Variants in SNTG1 observed in about 807,000 individuals in gnomAD.
SNTG1 encodes gamma-1-syntrophin.
Under a neutral mutation model 74.7 loss-of-function variants are expected in SNTG1, and 39 were observed. The observed-to-expected ratio is 0.52, with a 90% CI of 0.40 to 0.68. The LOEUF is 0.68. Among genes scored for constraint, SNTG1 ranks in the 30% least tolerant of loss-of-function variants. SNTG1 has a pLI of 0.00. For synonymous variants in SNTG1, 254 were observed against 217.1 expected (o/e 1.17, Z -1.49); for missense variants, 685 against 609.5 (o/e 1.12, Z -1.30).
At chr8:50,760,928 G>T (rs545200422) in intron 18 of SNTG1, among the ~76,000 whole-genome samples, 1 of 151,874 alleles carries the variant, frequency 6.6e-6, no homozygotes, top group Non-Finnish European at 1.5e-5. Flanking sequence ...ATTCACAGCC[G>T]AATGCTACCA....
intron 1 of SNTG1, among the ~76,000 whole-genome samples, chr8:50,013,985 A>C (rs750960437): frequency 6.6e-6 from 1 of 152,144 alleles, no homozygotes; most frequent in African/African-American, 2.4e-5. Flanking sequence ...TAAATAACCC[A>C]TTTTTGATCT....
At chr8:49,914,828 A>C (rs764214960) in intron 1 of SNTG1, 10 of 152,244 alleles carry the variant, frequency 6.6e-5, no homozygotes, top group Non-Finnish European at 1.0e-4. Flanking sequence ...TAAGCAACAC[A>C]AAAGCCACTA....
intron 1 of SNTG1, among the ~76,000 whole-genome samples, chr8:50,067,852 C>T (rs1411067786): frequency 6.6e-6 from 1 of 152,190 alleles, no homozygotes; most frequent in Non-Finnish European, 1.5e-5. Context: ...CTCGGGCACA[C>T]AGCCTGCTGG....
intron 1 of SNTG1, among the ~76,000 whole-genome samples, chr8:50,013,177 T>C (rs1220441316): frequency 6.6e-6 from 1 of 152,180 alleles, no homozygotes; most frequent in Non-Finnish European, 1.5e-5. Flanking sequence ...CTTTATACTG[T>C]AGTCTTGCTA....
At chr8:50,006,687 A>G (rs67043411) in intron 1 of SNTG1, among the ~76,000 whole-genome samples, 16,813 of 152,188 alleles carry the variant, frequency 0.11, 1,117 homozygotes, top group South Asian at 0.21. Flanking sequence ...TCTTGTGCCA[A>G]TGGGGCTTCC....
chr8:50,038,452 C>T (rs536585820), intron 1 of SNTG1, among the ~76,000 whole-genome samples: 77 of 152,264 alleles, frequency 5.1e-4, no homozygotes, highest in African/African-American at 1.8e-3. Flanking sequence ...TCCAACCCTC[C>T]TGTGCAGTGG....
chr8:50,176,522 T>C (rs1471848718), intron 2 of SNTG1, among the ~76,000 whole-genome samples: 3 of 152,126 alleles, frequency 2.0e-5, no homozygotes, highest in African/African-American at 7.2e-5. Context: ...AAAAGCTTCA[T>C]GTAGGGAAGG....
chr8:49,936,485 T>C (rs1002056480), intron 1 of SNTG1, among the ~76,000 whole-genome samples: 9 of 152,174 alleles, frequency 5.9e-5, no homozygotes, highest in Non-Finnish European at 1.2e-4. Flanking sequence ...TCAAATTGGT[T>C]CAAATAAAGT....
intron 18 of SNTG1, among the ~76,000 whole-genome samples, chr8:50,779,200 C>T (rs2095650687): frequency 6.6e-6 from 1 of 152,028 alleles, no homozygotes; most frequent in Non-Finnish European, 1.5e-5. Context: ...TTTTTTGGTT[C>T]CATATGAACT....
At chr8:50,056,056 T>C (rs1187730181) in intron 1 of SNTG1, among the ~76,000 whole-genome samples, 1 of 152,028 alleles carries the variant, frequency 6.6e-6, no homozygotes, top group African/African-American at 2.4e-5. Context: ...CGTACATGCA[T>C]TTTGGATTGT....
intron 8 of SNTG1, among the ~76,000 whole-genome samples, chr8:50,476,164 C>T (rs565637889): frequency 1.1e-4 from 17 of 152,062 alleles, no homozygotes; most frequent in Non-Finnish European, 2.4e-4. Flanking sequence ...AATTATGGTT[C>T]CAAAGTGCAG....
At chr8:50,385,500 G>A (rs959559856) in intron 2 of SNTG1, among the ~76,000 whole-genome samples, 1 of 152,116 alleles carries the variant, frequency 6.6e-6, no homozygotes, top group Non-Finnish European at 1.5e-5. Context: ...CAAATGTCTT[G>A]TTAATAAGCC....
chr8:50,227,631 C>T (rs1051273664), intron 2 of SNTG1, among the ~76,000 whole-genome samples: 5 of 152,028 alleles, frequency 3.3e-5, no homozygotes, highest in African/African-American at 7.2e-5. Context: ...ACCCTTCCCA[C>T]TGCATCAACG....
chr8:49,957,822 C>G (rs771169869), intron 1 of SNTG1, among the ~76,000 whole-genome samples: 1 of 151,902 alleles, frequency 6.6e-6, no homozygotes, highest in African/African-American at 2.4e-5. Context: ...TTTTAAAAGC[C>G]AGGCATGGTG....
chr8:50,703,995 A>G (rs2095435054), intron 15 of SNTG1, among the ~76,000 whole-genome samples: 1 of 152,182 alleles, frequency 6.6e-6, no homozygotes, highest in Non-Finnish European at 1.5e-5. Flanking sequence ...AAATTGGAAT[A>G]TATGTAAATT....
intron 1 of SNTG1, among the ~76,000 whole-genome samples, chr8:50,079,719 C>T (rs1822227834): frequency 6.6e-6 from 1 of 152,114 alleles, no homozygotes; most frequent in South Asian, 2.1e-4. Flanking sequence ...AGTCTTTAAT[C>T]AATCTTGGGT....
At chr8:50,281,371 G>T (rs1049858465) in intron 2 of SNTG1, among the ~76,000 whole-genome samples, 7 of 152,146 alleles carry the variant, frequency 4.6e-5, no homozygotes, top group Non-Finnish European at 1.0e-4. Context: ...GTTCATAGGG[G>T]GGTTCATTCA....
At position 50,703,686 on chromosome 8, in the gene SNTG1, G is replaced by A. The variant is rs143766509; in HGVS notation, c.1039-914G>A. 3.2e-3 allele frequency among the ~76,000 whole-genome samples: 480 copies of A among 152,076 alleles called. 4 individuals are homozygous for A. Among genetic ancestry groups the A allele is most frequent in the African/African-American group, 0.011 (462 of 41,488 alleles). Reference sequence around the variant, plus strand: ...TATGTAGCATACATCATAATCGTATGTGCTAGACTTACACAGCTGTCAGCA... The same window carrying A: ...TATGTAGCATACATCATAATCGTATATGCTAGACTTACACAGCTGTCAGCA... On this transcript the variant is annotated intron_variant, in intron 15 of 18. Coordinates refer to ENST00000642720, the MANE Select transcript of SNTG1 (RefSeq NM_018967.5).
chr8:50,711,491 C>T (rs2095461576), intron 17 of SNTG1, among the ~76,000 whole-genome samples: 1 of 152,112 alleles, frequency 6.6e-6, no homozygotes, highest in Non-Finnish European at 1.5e-5. Flanking sequence ...ATTATTTGAG[C>T]TCCATATAAA....
Sources: allele counts gnomAD v4.1 joint callset (sites outside exome capture counted in the v4.1 genomes callset), GRCh38; gene constraint gnomAD v4.1.1; transcripts MANE v1.5; gene names NCBI Gene and HGNC (gene_info 2026-07-23, HGNC 2026-07-21).